Variants in KCNH7 observed in about 807,000 individuals in gnomAD.
KCNH7 encodes the protein voltage-gated inwardly rectifying potassium channel KCNH7.
In KCNH7, 49 loss-of-function variants were observed where a neutral mutation model predicts 120.8. The ratio of observed to expected loss-of-function variants is 0.41; its 90% CI spans 0.32 to 0.51. The LOEUF is 0.51. Among genes scored for constraint, KCNH7 ranks in the 20% least tolerant of loss-of-function variants. The probability of loss-of-function intolerance (pLI) is 0.38; values close to 1 mark genes in which losing one functional copy is unlikely to be tolerated. For missense variants in KCNH7, 1,097 were observed against 1,446.6 expected, an observed-to-expected ratio of 0.76 and a Z score of 3.92; for synonymous variants, 547 against 516.1, an observed-to-expected ratio of 1.06 and a Z score of -0.81.
At chr2:162,584,249 C>A (rs755551249) in intron 2 of KCNH7, among the ~76,000 whole-genome samples, 1 of 152,144 alleles carries the variant, frequency 6.6e-6, no homozygotes, top group Non-Finnish European at 1.5e-5. Flanking sequence ...TCCTTTCACA[C>A]ACCCAAACTT....
chr2:162,554,945 T>A (rs574977029), intron 2 of KCNH7, among the ~76,000 whole-genome samples: 12 of 152,226 alleles, frequency 7.9e-5, no homozygotes, highest in Non-Finnish European at 1.5e-4. Flanking sequence ...TTTGTAACAC[T>A]TCTAGAAAGA....
chr2:162,823,352 C>T (rs1160497818), intron 2 of KCNH7, among the ~76,000 whole-genome samples: 4 of 152,082 alleles, frequency 2.6e-5, no homozygotes, highest in Non-Finnish European at 5.9e-5. Context: ...TCTCTAATTA[C>T]AGAATTTCAT....
In KCNH7 at chr2:162,484,329, G is replaced by T. The variant is rs181835184; in HGVS notation, c.1128+20114C>A. On this transcript the variant is annotated intron_variant, in intron 6 of 15. Coordinates refer to ENST00000332142, the MANE Select transcript of KCNH7 (RefSeq NM_033272.4). ...ATGAAGCGAGTTCGTTGAATCTGGG[G>T]AAGTGTACAGGTCTCAATGCTGTGT... 1.3e-4 allele frequency among the ~76,000 whole-genome samples: 20 copies of T among 152,092 alleles called. 1 individual carries two copies. The highest frequency in any genetic ancestry group is 1.1e-3 in the Admixed American group (17 of 15,260).
chr2:162,506,581 T>G (rs1239545582), intron 5 of KCNH7, among the ~76,000 whole-genome samples: 1 of 151,788 alleles, frequency 6.6e-6, no homozygotes, highest in Non-Finnish European at 1.5e-5. Flanking sequence ...ATAGTTAAAT[T>G]GTATTCAAAG....
intron 2 of KCNH7, among the ~76,000 whole-genome samples, chr2:162,743,945 C>T (rs1370398387): frequency 6.6e-6 from 1 of 152,066 alleles, no homozygotes; most frequent in Non-Finnish European, 1.5e-5. Context: ...TAGCAAATTT[C>T]ACATTCATTT....
intron 2 of KCNH7, among the ~76,000 whole-genome samples, chr2:162,596,159 C>T (rs918283734): frequency 8.6e-5 from 13 of 151,944 alleles, no homozygotes; most frequent in African/African-American, 2.7e-4. Context: ...TTCAATGCAA[C>T]CCCTATCAAA....
At chr2:162,502,532 T>C (rs1054797303) in intron 6 of KCNH7, among the ~76,000 whole-genome samples, 1 of 152,094 alleles carries the variant, frequency 6.6e-6, no homozygotes, top group Middle Eastern at 3.4e-3. Flanking sequence ...TAAAACACAA[T>C]CCCGTTTGAC....
chr2:162,386,830 C>T (rs191699011), intron 12 of KCNH7, among the ~76,000 whole-genome samples: 248 of 151,774 alleles, frequency 1.6e-3, no homozygotes, highest in Non-Finnish European at 2.6e-3. Flanking sequence ...CCATGCTGGG[C>T]TTCAGTCTTA....
Position 162,517,969 on chromosome 2 carries a change from G to A in KCNH7, c.653C>T (p.Ala218Val), listed in dbSNP as rs1691370717. 1.2e-6 allele frequency: 2 copies of A among 1,612,418 alleles called. No homozygotes were observed. Among genetic ancestry groups the A allele is most frequent in the East Asian group, 2.2e-5 (1 of 44,776 alleles). The change falls in exon 4 of 16, where the codon GCT becomes GTT. Residue 218 changes from alanine (A) to valine (V), a missense_variant. Transcript: ENST00000332142. ...AGAACATTTGCTGGGCTGTATCAAA[G>A]CTTTTGTGTCATCTGCTTCAGAGGG... ...CSPSEADDTKALIQPSKCSPL... is the reference protein window; with the variant it reads ...CSPSEADDTKVLIQPSKCSPL...
At chr2:162,707,538 A>G (rs549989215) in intron 2 of KCNH7, among the ~76,000 whole-genome samples, 8 of 152,284 alleles carry the variant, frequency 5.3e-5, no homozygotes, top group African/African-American at 1.7e-4. Flanking sequence ...TTAAAGAAAT[A>G]TTGATCAAGC....
chr2:162,627,713 T>C (rs1683608144), intron 2 of KCNH7, among the ~76,000 whole-genome samples: 1 of 152,178 alleles, frequency 6.6e-6, no homozygotes, highest in South Asian at 2.1e-4. Context: ...CCTGGAGTAA[T>C]CTGGCCATGA....
At chr2:162,737,322 A>AAG (rs1009892029) in intron 2 of KCNH7, among the ~76,000 whole-genome samples, 4 of 151,974 alleles carry the variant, frequency 2.6e-5, no homozygotes, top group Non-Finnish European at 5.9e-5. Flanking sequence ...TATAGATCAG[A>AAG]AGAGAGAGAG....
chr2:162,413,358 C>T (rs1687449008), intron 9 of KCNH7, among the ~76,000 whole-genome samples: 1 of 152,082 alleles, frequency 6.6e-6, no homozygotes, highest in Non-Finnish European at 1.5e-5. Context: ...AACTCCTGAC[C>T]TCAGGTGATC....
At chr2:162,813,652 T>C (rs1285642590) in intron 2 of KCNH7, among the ~76,000 whole-genome samples, 1 of 152,230 alleles carries the variant, frequency 6.6e-6, no homozygotes, top group South Asian at 2.1e-4. Context: ...ACTAAGTCTG[T>C]CATTAGGAAA....
rs1189358901 is a variant in KCNH7, at chr2:162,819,479, G to A, written c.307+17058C>T. 3.3e-5 allele frequency among the ~76,000 whole-genome samples: 5 copies of A among 152,172 alleles called. No individual in the cohort carries two copies. In the East Asian group the frequency reaches 5.8e-4, roughly 18 times the overall value. ...TAGCTGAATCTACTCGAAGGTTATA[G>A]GAGGGTTCATTGTAATATGTTTGCA... On this transcript the variant is annotated intron_variant, in intron 2 of 15. Coordinates refer to ENST00000332142, the MANE Select transcript of KCNH7 (RefSeq NM_033272.4).
intron 2 of KCNH7, among the ~76,000 whole-genome samples, chr2:162,568,346 G>T (rs1228165375): frequency 6.6e-6 from 1 of 151,992 alleles, no homozygotes; most frequent in East Asian, 1.9e-4. Context: ...TGCTGTACAG[G>T]TTTGTAATGT....
At chr2:162,821,562 A>G (rs1685121237) in intron 2 of KCNH7, among the ~76,000 whole-genome samples, 1 of 152,224 alleles carries the variant, frequency 6.6e-6, no homozygotes, top group South Asian at 2.1e-4. Flanking sequence ...TACATTTTGA[A>G]AAATGTCAGA....
Position 162,727,301 on chromosome 2 carries a change from C to A in KCNH7, c.307+109236G>T, listed in dbSNP as rs563764643. On this transcript the variant is annotated intron_variant, in intron 2 of 15. Transcript: ENST00000332142. Reference sequence around the variant, plus strand: ...TTATTAAGATTTTTTTGTCTCAGGGCACAACATAATAGAGATGTATAACAA... The same window carrying A: ...TTATTAAGATTTTTTTGTCTCAGGGAACAACATAATAGAGATGTATAACAA... 3.9e-3 allele frequency among the ~76,000 whole-genome samples: 590 copies of A among 152,046 alleles called. 1 individual carries two copies. Among genetic ancestry groups the A allele is most frequent in the Non-Finnish European group, 6.7e-3 (458 of 67,954 alleles).
At chr2:162,767,673 T>C (rs1288236753) in intron 2 of KCNH7, among the ~76,000 whole-genome samples, 1 of 152,130 alleles carries the variant, frequency 6.6e-6, no homozygotes, top group African/African-American at 2.4e-5. Flanking sequence ...TTATATACTA[T>C]AACTGCATAA....
Sources: gnomAD v4.1 joint callset for allele counts (sites outside exome capture counted in the v4.1 genomes callset) on GRCh38, gnomAD v4.1.1 for gene constraint, MANE v1.5 for transcripts, NCBI Gene and HGNC (gene_info 2026-07-23, HGNC 2026-07-21) for gene names.